Variants in ALOX5 observed in about 807,000 individuals in gnomAD.
ALOX5 encodes arachidonate 5-lipoxygenase, also known as polyunsaturated fatty acid 5-lipoxygenase.
In ALOX5, 64 loss-of-function variants were observed where a neutral mutation model predicts 87.9. The ratio of observed to expected loss-of-function variants is 0.73; its 90% CI spans 0.60 to 0.90. ALOX5 has a LOEUF of 0.90. ALOX5 is among the 40% of genes least tolerant of loss of function. ALOX5 has a pLI of 0.00. For missense variants in ALOX5, 822 were observed against 907.5 expected, an observed-to-expected ratio of 0.91 and a Z score of 1.21; for synonymous variants, 388 against 355.1, an observed-to-expected ratio of 1.09 and a Z score of -1.04.
chr10:45,379,416 G>T (rs1271652208), intron 1 of ALOX5, among the ~76,000 whole-genome samples: 1 of 152,164 alleles, frequency 6.6e-6, no homozygotes, highest in African/African-American at 2.4e-5. Context: ...TGCCCCACCA[G>T]CATTCAGAAT....
Position 45,425,355 on chromosome 10 carries a change from A to C in ALOX5, c.834+223A>C, listed in dbSNP as rs1315726883. 6.6e-6 allele frequency among the ~76,000 whole-genome samples: 1 copy of C among 152,212 alleles called. No homozygotes were observed. The highest frequency in any genetic ancestry group is 1.5e-5 in the Non-Finnish European group (1 of 68,028). ...GAGGAATTGCGGGGAATGTTTCTCC[A>C]TGATGCTCGAGTCTGGGAACATAAT... is the stretch of plus-strand genomic sequence containing the variant. On this transcript the variant is annotated intron_variant, in intron 6 of 13. Transcript: ENST00000374391. This position sits in a 1 kb window ranked among gnomAD's most constrained non-coding sequence, Gnocchi z 4.4.
intron 7 of ALOX5, among the ~76,000 whole-genome samples, chr10:45,437,791 G>A (rs1363170842): frequency 6.6e-6 from 1 of 152,230 alleles, no homozygotes; most frequent in Admixed American, 6.5e-5. Context: ...TTTGGCTCCA[G>A]CCAATGGAGA....
At position 45,425,077 on chromosome 10, in the gene ALOX5, C is replaced by T. The variant is rs758405522; in HGVS notation, c.779C>T (p.Thr260Met). The T allele has an allele frequency of 8.1e-6, 13 of 1,614,000 alleles. No homozygotes were observed. Among genetic ancestry groups the T allele is most frequent in the Non-Finnish European group, 1.0e-5 (12 of 1,180,018 alleles). ...TELPEKLPVT[T>M]EMVECSLERQ... ...CTGCCCGAGAAGCTCCCGGTGACCA[C>T]GGAGATGGTAGAGTGCAGCCTGGAG... Residue 260 changes from threonine (T) to methionine (M), a missense_variant, in exon 6 of 14, where the codon ACG (threonine) becomes ATG (methionine). Thr to Met is a moderately conservative substitution (Grantham distance 81). Transcript: ENST00000374391. The surrounding 1 kb of genome is among the most constrained non-coding windows in gnomAD (Gnocchi z 4.4).
chr10:45,416,732 GGAAGGATGGAA>G (rs1226894953), intron 4 of ALOX5, among the ~76,000 whole-genome samples: 1 of 152,078 alleles, frequency 6.6e-6, no homozygotes, highest in Non-Finnish European at 1.5e-5. Flanking sequence ...AAGGGAAGGA[GGAAGGATGGAA>G]GAAGAGGTGG....
chr10:45,375,446 T>C (rs1243737126), intron 1 of ALOX5, among the ~76,000 whole-genome samples: 1 of 152,168 alleles, frequency 6.6e-6, no homozygotes, highest in African/African-American at 2.4e-5. Flanking sequence ...GCAGGGAATA[T>C]CAGTTCCCTT....
chr10:45,375,468 C>T (rs1490633285), intron 1 of ALOX5, among the ~76,000 whole-genome samples: 2 of 152,196 alleles, frequency 1.3e-5, no homozygotes, highest in Admixed American at 6.5e-5. Context: ...CACCCCACCC[C>T]AGCTCCTAAC....
intron 4 of ALOX5, among the ~76,000 whole-genome samples, chr10:45,415,128 A>G (rs1032462261): frequency 6.6e-6 from 1 of 152,184 alleles, no homozygotes; most frequent in African/African-American, 2.4e-5. Context: ...ATAAAGACAC[A>G]TGCACACGTA....
intron 4 of ALOX5, among the ~76,000 whole-genome samples, chr10:45,419,458 G>T (rs1444119015): frequency 6.6e-6 from 1 of 152,204 alleles, no homozygotes; most frequent in Non-Finnish European, 1.5e-5. Flanking sequence ...CCTGGGGGCA[G>T]GCAGAGGCCT....
chr10:45,382,877 C>T (rs549073322), intron 2 of ALOX5, among the ~76,000 whole-genome samples, 196 bp downstream of exon 2: 1 of 152,350 alleles, frequency 6.6e-6, no homozygotes, highest in South Asian at 2.1e-4. Flanking sequence ...GAGGGTGGAG[C>T]GGGTGGCCCC....
intron 2 of ALOX5, among the ~76,000 whole-genome samples, chr10:45,393,357 T>A (rs1239998410): frequency 3.3e-5 from 5 of 152,136 alleles, no homozygotes; most frequent in Admixed American, 2.6e-4. Flanking sequence ...AAAAACCACA[T>A]GATTATCTCA....
intron 2 of ALOX5, among the ~76,000 whole-genome samples, chr10:45,391,080 T>TG (rs1840222690): frequency 9.4e-6 from 1 of 106,334 alleles, no homozygotes; most frequent in African/African-American, 3.8e-5. Flanking sequence ...CCCCACGGTC[T>TG]CCCTCTCCCT....
chr10:45,443,822 C>G lies in ALOX5; in HGVS notation c.1668C>G (p.Phe556Leu). 6.2e-7 allele frequency: 1 copy of G among 1,605,816 alleles called. No homozygotes were observed. The highest frequency in any genetic ancestry group is 1.3e-5 in the African/African-American group (1 of 74,756). ...TASAQHAAVNFGQYDWCSWIP... is the reference protein window; with the variant it reads ...TASAQHAAVNLGQYDWCSWIP... Reference sequence around the variant, plus strand: ...CCGCCCAGCACGCCGCGGTCAACTTCGGCCAGGTAGGCAGGGCCGGGCCCG... The same window carrying G: ...CCGCCCAGCACGCCGCGGTCAACTTGGGCCAGGTAGGCAGGGCCGGGCCCG... Residue 556 changes from phenylalanine (F) to leucine (L), a missense_variant, in exon 12 of 14, where the codon TTC (phenylalanine) becomes TTG (leucine). Phe to Leu is a conservative substitution (Grantham distance 22). Coordinates refer to ENST00000374391, the MANE Select transcript of ALOX5 (RefSeq NM_000698.5).
chr10:45,410,560 C>G (rs576388058), intron 3 of ALOX5, among the ~76,000 whole-genome samples: 1 of 152,170 alleles, frequency 6.6e-6, no homozygotes, highest in Non-Finnish European at 1.5e-5. Context: ...GCCAAGAGGA[C>G]ACTGTGACAG....
chr10:45,424,173 T>C (rs199618529), intron 5 of ALOX5, 26 bp downstream of exon 5: 1 of 1,572,080 alleles, frequency 6.4e-7, no homozygotes, highest in Non-Finnish European at 8.8e-7. Flanking sequence ...GGGGCCCAAG[T>C]GGTGCTGGGG....
At chr10:45,394,689 A>G (rs1052482175) in intron 2 of ALOX5, among the ~76,000 whole-genome samples, 4 of 152,094 alleles carry the variant, frequency 2.6e-5, no homozygotes, top group Admixed American at 1.3e-4. Context: ...TGGGAAAAAA[A>G]TTTTGCAATC....
At chr10:45,395,815 T>A (rs1251399837) in intron 2 of ALOX5, 40 bp from the exon 3 acceptor site, 1 of 1,586,606 alleles carries the variant, frequency 6.3e-7, no homozygotes, top group African/African-American at 1.3e-5. Context: ...ATTGTTATTG[T>A]TCTTCCTCAG....
intron 4 of ALOX5, among the ~76,000 whole-genome samples, chr10:45,412,933 T>C (rs1001438750): frequency 4.6e-5 from 7 of 152,350 alleles, no homozygotes; most frequent in South Asian, 4.1e-4. Flanking sequence ...CTAGGCTGCT[T>C]GTTAAACATA....
chr10:45,397,277 G>A (rs1840547978), intron 3 of ALOX5, among the ~76,000 whole-genome samples: 1 of 152,198 alleles, frequency 6.6e-6, no homozygotes, highest in Non-Finnish European at 1.5e-5. Context: ...CTACTCAGGA[G>A]GCTGAGGCAG....
intron 7 of ALOX5, among the ~76,000 whole-genome samples, chr10:45,432,387 AAC>A (rs1841934676): frequency 6.6e-6 from 1 of 151,692 alleles, no homozygotes; most frequent in South Asian, 2.1e-4. Flanking sequence ...AGTAAAAGAA[AAC>A]ACAGAAGGAA....
Sources: allele counts gnomAD v4.1 joint callset (sites outside exome capture counted in the v4.1 genomes callset), GRCh38; gene constraint gnomAD v4.1.1; non-coding constraint Gnocchi (gnomAD v3.1); transcripts MANE v1.5; gene names NCBI Gene and HGNC (gene_info 2026-07-23, HGNC 2026-07-21).